ARHGAP15: variants seen among roughly 807,000 people sequenced by gnomAD.
The protein encoded by ARHGAP15 is rho GTPase-activating protein 15.
In ARHGAP15, 51 loss-of-function variants were observed where a neutral mutation model predicts 63.7. The ratio of observed to expected loss-of-function variants is 0.80; its 90% CI spans 0.64 to 1.01. ARHGAP15 has a LOEUF of 1.01. Among genes scored for constraint, ARHGAP15 ranks in the 50% least tolerant of loss-of-function variants. ARHGAP15 has a pLI of 0.00. For missense variants in ARHGAP15, 560 were observed against 564.6 expected, an observed-to-expected ratio of 0.99 and a Z score of 0.08; for synonymous variants, 191 against 193.8, an observed-to-expected ratio of 0.99 and a Z score of 0.12.
chr2:143,547,342 C>A lies in ARHGAP15; in HGVS notation c.926-9066C>A, dbSNP rs200455050. On this transcript the variant is annotated intron_variant, in intron 10 of 13. Transcript: ENST00000295095. The stretch of plus-strand genomic sequence containing the variant: ...CTATATCACATTAGCCACACTGGAA[C>A]TTTTTCCCCTTGTCTTTTCCCTGGT... 3.9e-5 allele frequency among the ~76,000 whole-genome samples: 6 copies of A among 152,240 alleles called. No homozygotes were observed. In the East Asian group the frequency reaches 9.6e-4, roughly 24 times the overall value.
At chr2:143,253,732 T>A (rs144124189) in intron 6 of ARHGAP15, among the ~76,000 whole-genome samples, 1 of 149,268 alleles carries the variant, frequency 6.7e-6, no homozygotes, top group East Asian at 2.0e-4. Flanking sequence ...TATACATGTA[T>A]AAAATATATA....
At chr2:143,337,752 G>A (rs1466936198) in intron 6 of ARHGAP15, among the ~76,000 whole-genome samples, 1 of 152,084 alleles carries the variant, frequency 6.6e-6, no homozygotes, top group Non-Finnish European at 1.5e-5. Context: ...AAAAAAAGTG[G>A]AAGGTGTGCT....
rs1248714059 is a variant in ARHGAP15, at chr2:143,334,925, T to C, written c.474+84325T>C. On this transcript the variant is annotated intron_variant, in intron 6 of 13. Coordinates refer to ENST00000295095, the MANE Select transcript of ARHGAP15 (RefSeq NM_018460.4). ...ATTGCTTCAGATCTCGACTTTGCTA[T>C]GCACATACTACTGTAAGTAAAAGGC... Among the ~76,000 whole-genome samples the C allele has an allele frequency of 2.6e-5, 4 of 152,314 alleles. No individual in the cohort carries two copies. In the East Asian group the frequency reaches 7.7e-4, roughly 29 times the overall value.
intron 10 of ARHGAP15, among the ~76,000 whole-genome samples, chr2:143,550,509 C>T (rs562620283): frequency 1.3e-5 from 2 of 152,286 alleles, no homozygotes; most frequent in Non-Finnish European, 2.9e-5. Context: ...GGTTAAGCTA[C>T]TCAAAGCTGA....
intron 6 of ARHGAP15, among the ~76,000 whole-genome samples, chr2:143,415,380 G>T (rs1473225918): frequency 1.3e-5 from 2 of 151,830 alleles, no homozygotes; most frequent in Non-Finnish European, 2.9e-5. Context: ...AGGATTGGCA[G>T]ATGAAAAAAA....
At chr2:143,269,246 T>TTC (rs1681150747) in intron 6 of ARHGAP15, among the ~76,000 whole-genome samples, 1 of 152,130 alleles carries the variant, frequency 6.6e-6, no homozygotes, top group Non-Finnish European at 1.5e-5. Context: ...CGGTCAGAGA[T>TTC]AAAGATATAG....
chr2:143,744,630 T>C (rs1049339126), intron 13 of ARHGAP15, among the ~76,000 whole-genome samples: 1 of 152,234 alleles, frequency 6.6e-6, no homozygotes, highest in African/African-American at 2.4e-5. Context: ...GGGAATCTAC[T>C]GAAGCTCCTT....
intron 5 of ARHGAP15, among the ~76,000 whole-genome samples, chr2:143,231,394 G>A (rs1322203244): frequency 6.6e-6 from 1 of 152,102 alleles, no homozygotes; most frequent in South Asian, 2.1e-4. Flanking sequence ...ACTCCATCAT[G>A]CATGACCTCC....
chr2:143,201,808 A>G (rs1465206095), intron 2 of ARHGAP15, among the ~76,000 whole-genome samples: 1 of 152,132 alleles, frequency 6.6e-6, no homozygotes, highest in Non-Finnish European at 1.5e-5. Flanking sequence ...GAAGTCATAG[A>G]GTGGAACTTC....
intron 4 of ARHGAP15, among the ~76,000 whole-genome samples, chr2:143,218,377 T>C (rs950766398): frequency 6.6e-6 from 1 of 151,184 alleles, no homozygotes; most frequent in Non-Finnish European, 1.5e-5. Flanking sequence ...TGTGCTATTA[T>C]CATTCTGGGC....
intron 2 of ARHGAP15, among the ~76,000 whole-genome samples, chr2:143,161,590 T>C (rs945601696): frequency 4.0e-5 from 6 of 151,870 alleles, no homozygotes; most frequent in African/African-American, 1.2e-4. Context: ...TGGGATAAAA[T>C]AGCTCCTTCT....
In ARHGAP15 at chr2:143,478,909, T is replaced by G. The variant is rs150117516; in HGVS notation, c.704-8464T>G. Among the ~76,000 whole-genome samples the G allele has an allele frequency of 1.9e-3, 295 of 152,284 alleles. 1 individual carries two copies. The highest frequency in any genetic ancestry group is 6.7e-3 in the African/African-American group (279 of 41,568). ...CTGGCTGAAAATTTTGTTTGGAAAATTAAGGATACATTATAGCATATTCTT... is the reference window on the plus strand; with the variant it reads ...CTGGCTGAAAATTTTGTTTGGAAAAGTAAGGATACATTATAGCATATTCTT... On this transcript the variant is annotated intron_variant, in intron 8 of 13. Transcript: ENST00000295095.
chr2:143,562,305 C>T (rs1034924713), intron 11 of ARHGAP15, among the ~76,000 whole-genome samples: 1 of 152,106 alleles, frequency 6.6e-6, no homozygotes, highest in Non-Finnish European at 1.5e-5. Context: ...TTGGCAGTTT[C>T]ATCATGAAAT....
intron 8 of ARHGAP15, among the ~76,000 whole-genome samples, chr2:143,477,427 A>G (rs188954397): frequency 7.5e-6 from 1 of 133,880 alleles, no homozygotes; most frequent in African/African-American, 2.7e-5. Context: ...TATTTTAATC[A>G]TTAATATTAA....
At chr2:143,360,915 G>T (rs1281642155) in intron 6 of ARHGAP15, among the ~76,000 whole-genome samples, 2 of 152,114 alleles carry the variant, frequency 1.3e-5, no homozygotes, top group African/African-American at 4.8e-5. Flanking sequence ...CATAATTTTT[G>T]ATACATAAAT....
intron 6 of ARHGAP15, among the ~76,000 whole-genome samples, chr2:143,366,885 CTCTG>C (rs898834306): frequency 1.3e-5 from 2 of 151,966 alleles, no homozygotes; most frequent in African/African-American, 2.4e-5. Context: ...CTGGGTATTT[CTCTG>C]TCTGTGGCAA....
intron 11 of ARHGAP15, chr2:143,563,859 T>G (rs1273090694): frequency 1.3e-5 from 2 of 152,276 alleles, no homozygotes; most frequent in African/African-American, 4.8e-5. Context: ...AGAATTGTAC[T>G]GCATATCTCC....
chr2:143,150,051 G>T (rs970364188), intron 1 of ARHGAP15, among the ~76,000 whole-genome samples: 1 of 151,904 alleles, frequency 6.6e-6, no homozygotes, highest in East Asian at 1.9e-4. Context: ...ATGCTGGGGG[G>T]TGTGGGCCCT....
intron 12 of ARHGAP15, among the ~76,000 whole-genome samples, chr2:143,629,639 G>A (rs1385729151): frequency 6.6e-6 from 1 of 152,186 alleles, no homozygotes; most frequent in South Asian, 2.1e-4. Flanking sequence ...AAGACAACAA[G>A]CAATGTTTTT....
Sources: allele counts gnomAD v4.1 joint callset (sites outside exome capture counted in the v4.1 genomes callset), GRCh38; gene constraint gnomAD v4.1.1; transcripts MANE v1.5; gene names NCBI Gene and HGNC (gene_info 2026-07-23, HGNC 2026-07-21).